The following ACOT9 variants were observed in gnomAD, a reference collection of about 807,000 sequenced individuals.
The protein encoded by ACOT9 is acyl-coenzyme A thioesterase 9, mitochondrial.
A neutral mutation model predicts 39.7 loss-of-function variants in ACOT9; 34 were observed. The ratio of observed to expected loss-of-function variants is 0.86; its 90% confidence interval spans 0.65 to 1.14. The LOEUF is 1.14. ACOT9 is among the 50% of genes most tolerant of loss of function. The pLI is 0.00. For missense variants in ACOT9, 313 were observed against 344.1 expected (o/e 0.91, Z 0.71); for synonymous variants, 110 against 120.5 (o/e 0.91, Z 0.57).
chrX:23,713,055 C>T lies in ACOT9; in HGVS notation c.662+80G>A. ...TACGTCCAAGTGATAGGTATATGGA[C>T]ATTCATTATAGTTTTCTCTCCAGTC... On this transcript the variant is annotated intron_variant, in intron 9 of 15. Transcript: ENST00000379303. 5 of 822,309 alleles carry T rather than the reference C, an allele frequency of 6.1e-6. No homozygotes were observed. The South Asian group carries it at 1.1e-4, about 19-fold the overall frequency. The allele number at this position is 822,309 out of a possible 1,213,427, so 67.8% of individuals were successfully genotyped here. A position where few individuals can be genotyped will look rare whatever the true frequency, so the allele number is the denominator to read the frequency against.
intron 8 of ACOT9, among the ~76,000 whole-genome samples, chrX:23,716,584 G>A (rs931320376): frequency 2.7e-5 from 3 of 112,240 alleles, no homozygotes; most frequent in African/African-American, 9.7e-5. Context: ...AAGGCCAGTG[G>A]TGAGCATTAA....
At chrX:23,709,914 G>A (rs376717620) in intron 9 of ACOT9, among the ~76,000 whole-genome samples, 27 of 112,136 alleles carry the variant, frequency 2.4e-4, no homozygotes, top group African/African-American at 6.8e-4. Flanking sequence ...TTGAGGTAGG[G>A]TCTTGCCCTG....
Position 23,705,541 on chromosome X carries a change from A to C in ACOT9, c.987T>G (p.Tyr329Ter), listed in dbSNP as rs1442544837. 8.3e-7 allele frequency: 1 copy of C among 1,211,443 alleles called. No individual in the cohort carries two copies. Among genetic ancestry groups the C allele is most frequent in the Admixed American group, 2.2e-5 (1 of 45,877 alleles). Residue 329 changes from tyrosine (Y) to a stop codon, truncating the protein, a stop_gained, in exon 13 of 16, where the codon TAT (tyrosine) becomes TAG (stop). Transcript: ENST00000379303. LOFTEE classifies it high-confidence loss of function. ...TACAAGCAGTAGCCCACGCAAGTTCATATGCCTTCCTCATAAGGAAACCAC... is the reference window on the plus strand; with the variant it reads ...TACAAGCAGTAGCCCACGCAAGTTCCTATGCCTTCCTCATAAGGAAACCAC... ...IFGGFLMRKAYELAWATACSF... is the reference protein window; with the variant it reads ...IFGGFLMRKA
At chrX:23,724,977 T>C (rs1929457231) in intron 6 of ACOT9, among the ~76,000 whole-genome samples, 1 of 109,990 alleles carries the variant, frequency 9.1e-6, no homozygotes, top group Non-Finnish European at 1.9e-5. Context: ...GAAAAATTGA[T>C]TGAAACTCAG....
intron 2 of ACOT9, 64 bp downstream of exon 2, chrX:23,735,855 T>C: frequency 9.7e-7 from 1 of 1,030,066 alleles, no homozygotes; most frequent in Non-Finnish European, 1.4e-6. Context: ...TCTATATACC[T>C]TTCAAATAAA....
chrX:23,709,147 C>T (rs1928808513), intron 9 of ACOT9, among the ~76,000 whole-genome samples: 2 of 111,683 alleles, frequency 1.8e-5, no homozygotes. Context: ...AATCCCAGCA[C>T]TTCGGGAGGC....
Position 23,705,081 on chromosome X carries a change from C to T in ACOT9, c.1020-1G>A, listed in dbSNP as rs1391604441. 15 of 1,205,847 alleles carry T rather than the reference C, an allele frequency of 1.2e-5. No homozygotes were observed. The highest frequency in any genetic ancestry group is 1.7e-5 in the Non-Finnish European group (15 of 893,109). ...TGCTACCACAAACGGTCGAGAACCACTGTTGGGGGAAAGGACAGAATTTGG... is the reference window on the plus strand; with the variant it reads ...TGCTACCACAAACGGTCGAGAACCATTGTTGGGGGAAAGGACAGAATTTGG... On this transcript the variant is annotated splice_acceptor_variant, in intron 13 of 15. Coordinates refer to ENST00000379303, the MANE Select transcript of ACOT9 (RefSeq NM_001037171.2). LOFTEE classifies it high-confidence loss of function.
In ACOT9 at chrX:23,702,047, G is replaced by A. The variant is rs1219955542; in HGVS notation, c.*1847C>T. ...AAGATCATGCCACTGCACTCCAGCT[G>A]GAGCGACAGAGTGAAACTCTGTCTC... On this transcript the variant is annotated 3_prime_UTR_variant, in exon 16 of 16. Coordinates refer to ENST00000379303, the MANE Select transcript of ACOT9 (RefSeq NM_001037171.2). 1.9e-5 allele frequency among the ~76,000 whole-genome samples: 2 copies of A among 104,694 alleles called. No individual in the cohort carries two copies. Among genetic ancestry groups the A allele is most frequent in the Non-Finnish European group, 2.0e-5 (1 of 50,433 alleles). 90.9% of individuals were successfully genotyped at this position (104,694 alleles called of 115,157 possible). A position where few individuals can be genotyped will look rare whatever the true frequency, so the allele number is the denominator to read the frequency against.
Position 23,705,596 on chromosome X carries a change from T to C in ACOT9, c.934-2A>G. The C allele has an allele frequency of 8.3e-7, 1 of 1,204,700 alleles. No individual in the cohort carries two copies. Among genetic ancestry groups the C allele is most frequent in the South Asian group, 1.8e-5 (1 of 56,574 alleles). Reference sequence around the variant, plus strand: ...GATCCGATTGAAAATGTTCCGCTCCTACAGGACATAAATAAATATCAATAA... The same window carrying C: ...GATCCGATTGAAAATGTTCCGCTCCCACAGGACATAAATAAATATCAATAA... On this transcript the variant is annotated splice_acceptor_variant, in intron 12 of 15. Coordinates refer to ENST00000379303, the MANE Select transcript of ACOT9 (RefSeq NM_001037171.2). LOFTEE classifies it high-confidence loss of function.
At chrX:23,733,524 T>C (rs1302262520) in intron 3 of ACOT9, among the ~76,000 whole-genome samples, 1 of 112,166 alleles carries the variant, frequency 8.9e-6, no homozygotes, top group Non-Finnish European at 1.9e-5. Flanking sequence ...GCTGTATCAG[T>C]GTTAGCCAGT....
At chrX:23,706,974 C>A in intron 10 of ACOT9, 1 of 268,262 alleles carries the variant, frequency 3.7e-6, no homozygotes. Context: ...GCAGTTATCC[C>A]ATTGAGATGC....
intron 7 of ACOT9, 148 bp downstream of exon 7, chrX:23,722,522 C>G: frequency 2.6e-6 from 1 of 390,999 alleles, no homozygotes; most frequent in Middle Eastern, 7.4e-4. Context: ...CAAGATCGTG[C>G]CATTACACTC....
chrX:23,717,915 C>T (rs1036071402), intron 8 of ACOT9, among the ~76,000 whole-genome samples: 2 of 110,932 alleles, frequency 1.8e-5, no homozygotes, highest in East Asian at 2.8e-4. Context: ...TGGTGAAACC[C>T]GGTCTGTATA....
Position 23,703,998 on chromosome X carries a change from G to T in ACOT9, c.1259-16C>A. 8.6e-7 allele frequency: 1 copy of T among 1,159,001 alleles called. No individual in the cohort carries two copies. The highest frequency in any genetic ancestry group is 1.8e-5 in the African/African-American group (1 of 56,465). On this transcript the variant is annotated splice_polypyrimidine_tract_variant and intron_variant, in intron 15 of 15. Coordinates refer to ENST00000379303, the MANE Select transcript of ACOT9 (RefSeq NM_001037171.2). ...AACATGGACTCTGAAACACAAGAAA[G>T]AGAACCTTGGAGAAACTTGTAATAC...
At chrX:23,730,259 A>C (rs1222844828) in intron 6 of ACOT9, among the ~76,000 whole-genome samples, 1 of 107,716 alleles carries the variant, frequency 9.3e-6, no homozygotes, top group East Asian at 2.9e-4. Flanking sequence ...ACAACTGGCT[A>C]ATTTTGTATT....
intron 6 of ACOT9, 47 bp downstream of exon 6, chrX:23,730,480 T>C (rs1929696370): frequency 1.0e-6 from 1 of 975,188 alleles, no homozygotes; most frequent in Non-Finnish European, 1.5e-6. Flanking sequence ...CAGAATTCAA[T>C]GTATATCTGT....
At chrX:23,721,821 C>G (rs762744628) in intron 8 of ACOT9, 60 bp downstream of exon 8, 1 of 998,219 alleles carries the variant, frequency 1.0e-6, no homozygotes, top group African/African-American at 1.9e-5. Flanking sequence ...ATAAGCTTTT[C>G]TTGCATGGAG....
At chrX:23,731,575 T>C (rs1234864507) in intron 4 of ACOT9, among the ~76,000 whole-genome samples, 1 of 110,235 alleles carries the variant, frequency 9.1e-6, no homozygotes, top group Non-Finnish European at 1.9e-5. Flanking sequence ...ACCAGAATAT[T>C]TGAAATTAAA....
At chrX:23,732,183 T>C (rs1024619232) in intron 4 of ACOT9, among the ~76,000 whole-genome samples, 1 of 112,276 alleles carries the variant, frequency 8.9e-6, no homozygotes, top group East Asian at 2.8e-4. Context: ...TGCAATCCTT[T>C]ATTGGATCTT....
Sources: allele counts gnomAD v4.1 joint callset (sites outside exome capture counted in the v4.1 genomes callset), GRCh38; gene constraint gnomAD v4.1.1; transcripts MANE v1.5; gene names NCBI Gene and HGNC (gene_info 2026-07-23, HGNC 2026-07-21).